Variants in CDK17 observed in about 807,000 individuals in gnomAD.
The protein encoded by CDK17 is cyclin dependent kinase 17, also known as cyclin-dependent kinase 17.
CDK17 carries 24 observed loss-of-function variants against 77.6 expected under a neutral mutation model. That is an observed-to-expected ratio of 0.31 (90% confidence interval 0.22 to 0.44). The LOEUF is 0.44. Among genes scored for constraint, CDK17 ranks in the 20% least tolerant of loss-of-function variants. The pLI, the probability that CDK17 is intolerant of heterozygous loss-of-function variation, is 1.00. For missense variants in CDK17, 429 were observed against 622.5 expected, an observed-to-expected ratio of 0.69 and a Z score of 3.31; for synonymous variants, 203 against 210.4, an observed-to-expected ratio of 0.96 and a Z score of 0.30.
At chr12:96,306,417 A>C (rs997934937) in intron 5 of CDK17, among the ~76,000 whole-genome samples, 1 of 84,270 alleles carries the variant, frequency 1.2e-5, no homozygotes, top group Admixed American at 1.1e-4. Flanking sequence ...TAATTTGTAC[A>C]AAAAAAAAAA....
At chr12:96,378,258 C>T (rs1477133491) in intron 1 of CDK17, among the ~76,000 whole-genome samples, 1 of 152,198 alleles carries the variant, frequency 6.6e-6, no homozygotes, top group Non-Finnish European at 1.5e-5. Context: ...TTACTTCTAT[C>T]AGCATGAACT....
intron 1 of CDK17, among the ~76,000 whole-genome samples, chr12:96,377,118 A>G (rs1953792351): frequency 6.6e-6 from 1 of 152,228 alleles, no homozygotes; most frequent in Non-Finnish European, 1.5e-5. Context: ...AGGGGTAAGC[A>G]TTTAAAATGC....
chr12:96,358,699 C>T (rs112885496), intron 1 of CDK17, among the ~76,000 whole-genome samples: 8,745 of 152,030 alleles, frequency 0.058, 337 homozygotes, highest in East Asian at 0.13. Context: ...GTGGCACACA[C>T]CTGTAATCCC....
intron 2 of CDK17, among the ~76,000 whole-genome samples, chr12:96,333,822 A>G (rs1953004348): frequency 6.6e-6 from 1 of 152,198 alleles, no homozygotes; most frequent in African/African-American, 2.4e-5. Context: ...CCTTGAGCAA[A>G]TAATGACCCT....
At chr12:96,308,898 C>T (rs1952612738) in intron 5 of CDK17, among the ~76,000 whole-genome samples, 1 of 151,844 alleles carries the variant, frequency 6.6e-6, no homozygotes, top group South Asian at 2.1e-4. Context: ...TTATGTTCTG[C>T]TTTCTATTTC....
chr12:96,384,709 A>G (rs149015218), intron 1 of CDK17, among the ~76,000 whole-genome samples: 1 of 152,322 alleles, frequency 6.6e-6, no homozygotes, highest in Non-Finnish European at 1.5e-5. Context: ...CTAAACATTG[A>G]GCACACATGG....
rs147845838 is a variant in CDK17, at chr12:96,286,845, T to C, written c.1119-84A>G. 9,969 of 1,067,212 alleles carry C rather than the reference T, an allele frequency of 9.3e-3. 282 individuals are homozygous for C. The highest frequency in any genetic ancestry group is 0.085 in the Admixed American group (4,450 of 52,526). The allele number at this position is 1,067,212 out of a possible 1,614,324, so 66.1% of individuals were successfully genotyped here. A position where few individuals can be genotyped will look rare whatever the true frequency, so the allele number is the denominator to read the frequency against. On this transcript the variant is annotated intron_variant, in intron 11 of 16. Coordinates refer to ENST00000261211, the MANE Select transcript of CDK17 (RefSeq NM_002595.5). ...AATCTTTTCCTTAAGGTTGCCTCTC[T>C]GCAGAATTTTGCACTAGCCTGTCGG...
rs556947047 is a variant in CDK17 at position 96,322,621 on chromosome 12, T to C, written c.283+1327A>G. On this transcript the variant is annotated intron_variant, in intron 3 of 16. Transcript: ENST00000261211. ...GCTACCAACATGACAACACTGAACATATGGTTGGGAAGAAATGTGCAGTAG... is the reference window on the plus strand; with the variant it reads ...GCTACCAACATGACAACACTGAACACATGGTTGGGAAGAAATGTGCAGTAG... 2.6e-5 allele frequency among the ~76,000 whole-genome samples: 4 copies of C among 152,158 alleles called. No homozygotes were observed. In the East Asian group the frequency reaches 7.7e-4, roughly 29 times the overall value.
rs181515410 is a variant in CDK17 at position 96,282,357 on chromosome 12, A to T, written c.1456+152T>A. The T allele has an allele frequency of 1.6e-4, 91 of 576,888 alleles. No individual in the cohort carries two copies. The East Asian group carries it at 2.5e-3, about 16-fold the overall frequency. The allele number at this position is 576,888 out of a possible 1,614,324, so 35.7% of individuals were successfully genotyped here. On this transcript the variant is annotated intron_variant, in intron 15 of 16. Coordinates refer to ENST00000261211, the MANE Select transcript of CDK17 (RefSeq NM_002595.5). The stretch of plus-strand genomic sequence containing the variant: ...AATAACTGAATCATAGGGAAATAAG[A>T]CACACACCTCCCTTCAAGAAATTCT...
At chr12:96,392,259 G>A (rs10437881) in intron 1 of CDK17, among the ~76,000 whole-genome samples, 66,183 of 152,062 alleles carry the variant, frequency 0.44, 15,617 homozygotes, top group African/African-American at 0.62. Flanking sequence ...AAGTGTCATA[G>A]CATTGTAATA....
At position 96,280,199 on chromosome 12, in the gene CDK17, G is replaced by T; in HGVS notation, c.*43C>A. The T allele has an allele frequency of 6.5e-7, 1 of 1,543,578 alleles. No homozygotes were observed. Among genetic ancestry groups the T allele is most frequent in the Non-Finnish European group, 8.8e-7 (1 of 1,142,652 alleles). The stretch of plus-strand genomic sequence containing the variant: ...GCCTTCAGTTCTGAGTCCTTGATTG[G>T]TAAGAAAGGCTGGGGGCTGGGCTTG... On this transcript the variant is annotated 3_prime_UTR_variant, in exon 17 of 17. Coordinates refer to ENST00000261211, the MANE Select transcript of CDK17 (RefSeq NM_002595.5).
chr12:96,282,594 T>C lies in CDK17; in HGVS notation c.1371A>G (p.Glu457=). The C allele has an allele frequency of 6.2e-7, 1 of 1,608,286 alleles. No homozygotes were observed. Among genetic ancestry groups the C allele is most frequent in the Non-Finnish European group, 8.5e-7 (1 of 1,174,986 alleles). The part of the protein sequence containing the change: ...IELITKFLQY[E]SKKRVSAEEA... ...CTTCAGCTGAAACCCTTTTCTTAGATTCATACTGTGAAAAAGCAAAGAACT... is the reference window on the plus strand; with the variant it reads ...CTTCAGCTGAAACCCTTTTCTTAGACTCATACTGTGAAAAAGCAAAGAACT... Residue 457 remains glutamate, a synonymous_variant, in exon 15 of 17, where the codon GAA becomes GAG. Coordinates refer to ENST00000261211, the MANE Select transcript of CDK17 (RefSeq NM_002595.5).
chr12:96,400,220 C>T lies in CDK17; in HGVS notation c.-264G>A. 1 of 394,600 alleles carries T rather than the reference C, an allele frequency of 2.5e-6. No individual in the cohort carries two copies. Among genetic ancestry groups the T allele is most frequent in the African/African-American group, 2.1e-5 (1 of 48,526 alleles). The allele number at this position is 394,600 out of a possible 1,614,324, so 24.4% of individuals were successfully genotyped here. Reference sequence around the variant, plus strand: ...ACGCGTTGCCAAGTCCCTCGGTCAACATGGCTCCCGCGCCGACGAGCCGCG... The same window carrying T: ...ACGCGTTGCCAAGTCCCTCGGTCAATATGGCTCCCGCGCCGACGAGCCGCG... On this transcript the variant is annotated 5_prime_UTR_variant, in exon 1 of 17. The change abolishes an upstream ATG in the 5' untranslated region. Coordinates refer to ENST00000261211, the MANE Select transcript of CDK17 (RefSeq NM_002595.5).
intron 3 of CDK17, among the ~76,000 whole-genome samples, chr12:96,320,721 TTAA>T (rs1952804279): frequency 6.9e-6 from 1 of 145,224 alleles, no homozygotes; most frequent in African/African-American, 2.5e-5. Context: ...GATTCCCTAT[TTAA>T]TAAATGGTGC....
At chr12:96,365,683 G>C (rs1170621473) in intron 1 of CDK17, among the ~76,000 whole-genome samples, 1 of 152,160 alleles carries the variant, frequency 6.6e-6, no homozygotes, top group Admixed American at 6.5e-5. Context: ...CTACCAAAAT[G>C]TGTTTGACAA....
intron 1 of CDK17, among the ~76,000 whole-genome samples, chr12:96,389,522 C>CA (rs1422392057): frequency 2.0e-5 from 3 of 151,940 alleles, no homozygotes; most frequent in African/African-American, 4.8e-5. Flanking sequence ...GAGGGATCAA[C>CA]AAAAAAATCC....
At chr12:96,399,145 G>C (rs1424523791) in intron 1 of CDK17, 1 of 152,412 alleles carries the variant, frequency 6.6e-6, no homozygotes, top group South Asian at 2.1e-4. Context: ...AACCACAGGA[G>C]AGTCAATGTG....
intron 5 of CDK17, 102 bp downstream of exon 5, chr12:96,310,950 T>C (rs1166589467): frequency 3.2e-6 from 4 of 1,240,432 alleles, no homozygotes; most frequent in Non-Finnish European, 4.4e-6. Flanking sequence ...AATTTAGCTA[T>C]TCTAAAGTCA....
intron 1 of CDK17, among the ~76,000 whole-genome samples, chr12:96,338,167 A>C (rs1161486096): frequency 6.6e-6 from 1 of 152,228 alleles, no homozygotes; most frequent in East Asian, 1.9e-4. Context: ...ATAGATCCAC[A>C]GTAATTTTCT....
Sources: allele counts gnomAD v4.1 joint callset (sites outside exome capture counted in the v4.1 genomes callset), GRCh38; gene constraint gnomAD v4.1.1; transcripts MANE v1.5; gene names NCBI Gene and HGNC (gene_info 2026-07-23, HGNC 2026-07-21).